The following TNR variants were observed in gnomAD, a reference collection of about 807,000 sequenced individuals.
The protein encoded by TNR is tenascin R, also known as tenascin-R.
Under a neutral mutation model 150.4 loss-of-function variants are expected in TNR, and 45 were observed. The ratio of observed to expected loss-of-function variants is 0.30; its 90% CI spans 0.24 to 0.38. The LOEUF is 0.38. TNR is among the 10% of genes least tolerant of loss of function. The pLI is 1.00. For missense variants in TNR, 1,544 were observed against 1,759.1 expected (o/e 0.88, Z 2.19); for synonymous variants, 687 against 678.4 (o/e 1.01, Z -0.20).
chr1:175,704,449 T>G (rs575800745), intron 1 of TNR, among the ~76,000 whole-genome samples: 53 of 152,118 alleles, frequency 3.5e-4, no homozygotes, highest in African/African-American at 1.3e-3. Flanking sequence ...TAGAGAAGGA[T>G]AGTCTGGAAA....
chr1:175,545,036 T>C (rs1033905284), intron 1 of TNR, among the ~76,000 whole-genome samples: 11 of 152,204 alleles, frequency 7.2e-5, no homozygotes, highest in Non-Finnish European at 1.6e-4. Context: ...GGAGCAGAGC[T>C]ATATCTAACC....
intron 1 of TNR, among the ~76,000 whole-genome samples, chr1:175,735,661 C>T (rs1029139301): frequency 5.9e-5 from 9 of 152,130 alleles, no homozygotes; most frequent in African/African-American, 1.9e-4. Context: ...ATTACTCTAG[C>T]CCAGCCAGGA....
intron 2 of TNR, among the ~76,000 whole-genome samples, chr1:175,487,594 C>T (rs1188098345): frequency 6.6e-6 from 1 of 152,172 alleles, no homozygotes; most frequent in Non-Finnish European, 1.5e-5. Context: ...GCTTTGGAGT[C>T]AGACAGTCTA....
intron 1 of TNR, among the ~76,000 whole-genome samples, chr1:175,707,566 C>T (rs1250708178): frequency 1.3e-5 from 2 of 152,142 alleles, no homozygotes; most frequent in Non-Finnish European, 2.9e-5. Flanking sequence ...TTAGAGGGTA[C>T]AGAATTGGAA....
intron 1 of TNR, among the ~76,000 whole-genome samples, chr1:175,578,072 A>G (rs1360554490): frequency 6.6e-6 from 1 of 152,128 alleles, no homozygotes; most frequent in Non-Finnish European, 1.5e-5. Flanking sequence ...TGCTCAATAT[A>G]TGTTAGCGCT....
chr1:175,562,775 T>G (rs1211013770), intron 1 of TNR, among the ~76,000 whole-genome samples: 1 of 152,224 alleles, frequency 6.6e-6, no homozygotes, highest in Non-Finnish European at 1.5e-5. Flanking sequence ...TATGTCAAGC[T>G]GCAGGTTTTA....
At chr1:175,604,547 C>G (rs1366863626) in intron 1 of TNR, among the ~76,000 whole-genome samples, 1 of 152,200 alleles carries the variant, frequency 6.6e-6, no homozygotes. Flanking sequence ...CCGATGCTAT[C>G]TTGCTGCCCA....
intron 4 of TNR, among the ~76,000 whole-genome samples, chr1:175,401,550 G>A (rs1048934452): frequency 2.0e-5 from 3 of 152,100 alleles, no homozygotes; most frequent in African/African-American, 7.2e-5. Context: ...AAATTGGGAG[G>A]CTAAATGAAA....
intron 2 of TNR, among the ~76,000 whole-genome samples, chr1:175,488,388 A>G (rs1658103887): frequency 6.6e-6 from 1 of 152,226 alleles, no homozygotes; most frequent in African/African-American, 2.4e-5. Context: ...TAAAAGGATC[A>G]CCACTGAGGA....
intron 2 of TNR, among the ~76,000 whole-genome samples, chr1:175,517,012 TGAGA>T (rs58416273): frequency 0.27 from 32,115 of 119,910 alleles, 3,474 homozygotes; most frequent in Non-Finnish European, 0.34. Flanking sequence ...ATCTGAAAGC[TGAGA>T]GAGAGAGAGA....
At chr1:175,520,316 T>C (rs1437011805) in intron 2 of TNR, among the ~76,000 whole-genome samples, 1 of 152,224 alleles carries the variant, frequency 6.6e-6, no homozygotes, top group Admixed American at 6.5e-5. Flanking sequence ...CCCAGCTTTA[T>C]TGTTCTCTGC....
At position 175,646,039 on chromosome 1, in the gene TNR, G is replaced by T. The variant is rs538209416; in HGVS notation, c.-165+97187C>A. Among the ~76,000 whole-genome samples the T allele has an allele frequency of 2.6e-5, 4 of 152,320 alleles. No individual in the cohort carries two copies. In the South Asian group the frequency reaches 8.3e-4, roughly 32 times the overall value. On this transcript the variant is annotated intron_variant, in intron 1 of 22. Transcript: ENST00000367674. ...TTTTTCCTAATGCTCAGGTGCCAAG[G>T]CAAGGAGGTAAGTTTGGGGTAGTAT...
intron 1 of TNR, among the ~76,000 whole-genome samples, chr1:175,710,769 C>T (rs1157578685): frequency 1.3e-5 from 2 of 152,172 alleles, no homozygotes; most frequent in Non-Finnish European, 2.9e-5. Context: ...TTACCTTTCT[C>T]ATCATTGCCA....
intron 2 of TNR, among the ~76,000 whole-genome samples, chr1:175,511,651 A>T (rs1367293836): frequency 6.6e-6 from 1 of 152,210 alleles, no homozygotes; most frequent in Non-Finnish European, 1.5e-5. Context: ...TGGGATCAAG[A>T]CAGGGATGCT....
rs1230969027 is a variant in TNR at position 175,361,214 on chromosome 1, T to A, written c.2854+1449A>T. Among the ~76,000 whole-genome samples the A allele has an allele frequency of 1.5e-4, 23 of 152,160 alleles. 1 individual carries two copies. The highest frequency in any genetic ancestry group is 1.5e-3 in the Admixed American group (23 of 15,274). ...GTAGCTGAGACTACAGGTGCATGCA[T>A]CCATGCCTGGCTAAAGAAATGAGTT... On this transcript the variant is annotated intron_variant, in intron 14 of 22. Coordinates refer to ENST00000367674, the MANE Select transcript of TNR (RefSeq NM_003285.3).
At chr1:175,409,842 C>T (rs1654130762) in intron 2 of TNR, among the ~76,000 whole-genome samples, 1 of 107,228 alleles carries the variant, frequency 9.3e-6, no homozygotes, top group South Asian at 3.5e-4. Flanking sequence ...ATAGAAGTTG[C>T]ATTCAAGTGT....
chr1:175,600,826 C>CA (rs768012899), intron 1 of TNR, among the ~76,000 whole-genome samples: 16 of 152,232 alleles, frequency 1.1e-4, no homozygotes, highest in Admixed American at 3.9e-4. Context: ...ACCCAAAAAG[C>CA]AAAAAACAGA....
intron 1 of TNR, among the ~76,000 whole-genome samples, chr1:175,712,126 G>T (rs1468657471): frequency 1.3e-5 from 2 of 152,104 alleles, no homozygotes. Context: ...CAGGCACTGT[G>T]CTAATTATTT....
At chr1:175,543,913 GA>G (rs200918285) in intron 1 of TNR, among the ~76,000 whole-genome samples, 7 of 150,416 alleles carry the variant, frequency 4.7e-5, no homozygotes, top group Non-Finnish European at 8.9e-5. Context: ...AAGTCACAGA[GA>G]AAAAAAAAGA....
Sources: gnomAD v4.1 joint callset for allele counts (sites outside exome capture counted in the v4.1 genomes callset) on GRCh38, gnomAD v4.1.1 for gene constraint, MANE v1.5 for transcripts, NCBI Gene and HGNC (gene_info 2026-07-23, HGNC 2026-07-21) for gene names.